The following ZNF619 variants were observed in gnomAD, a reference collection of about 807,000 sequenced individuals.
The protein encoded by ZNF619 is zinc finger protein 619.
In ZNF619, 9 loss-of-function variants were observed where a neutral mutation model predicts 14.2. That is an observed-to-expected ratio of 0.64 (90% CI 0.38 to 1.11). The LOEUF is 1.11. Among genes scored for constraint, ZNF619 ranks in the 50% least tolerant of loss-of-function variants. The probability of loss-of-function intolerance (pLI) is 0.01; values close to 1 mark genes in which losing one functional copy is unlikely to be tolerated. For missense variants in ZNF619, 659 were observed against 680.1 expected, an observed-to-expected ratio of 0.97 and a Z score of 0.34; for synonymous variants, 246 against 252.8, an observed-to-expected ratio of 0.97 and a Z score of 0.26.
At chr3:40,485,918 C>T (rs1054657970) in intron 4 of ZNF619, among the ~76,000 whole-genome samples, 1 of 152,150 alleles carries the variant, frequency 6.6e-6, no homozygotes, top group African/African-American at 2.4e-5. Flanking sequence ...AAGGACAGCA[C>T]TTGGGTTTTA....
chr3:40,490,543 A>G lies in ZNF619; in HGVS notation c.*2302A>G, dbSNP rs1176093595. 6.6e-6 allele frequency among the ~76,000 whole-genome samples: 1 copy of G among 152,070 alleles called. No individual in the cohort carries two copies. The highest frequency in any genetic ancestry group is 1.5e-5 in the Non-Finnish European group (1 of 68,002). Reference sequence around the variant, plus strand: ...TTCAACTGTGTGGGTCCACTTATGGACTTTCTTCTGCCTCTGTCACCCCTG... The same window carrying G: ...TTCAACTGTGTGGGTCCACTTATGGGCTTTCTTCTGCCTCTGTCACCCCTG... On this transcript the variant is annotated 3_prime_UTR_variant, in exon 5 of 5. Transcript: ENST00000432264.
intron 2 of ZNF619, among the ~76,000 whole-genome samples, 180 bp downstream of exon 2, chr3:40,478,183 G>T (rs1697261775): frequency 6.6e-6 from 1 of 152,138 alleles, no homozygotes; most frequent in Admixed American, 6.5e-5. Flanking sequence ...GAGTCAGGTA[G>T]GTTGGAAAAG....
At position 40,488,010 on chromosome 3, in the gene ZNF619, CCT is replaced by C; in HGVS notation, c.1506_1507del (p.Pro503SerfsTer39). On this transcript the variant is annotated frameshift_variant, in exon 5 of 5. Coordinates refer to ENST00000432264, the MANE Select transcript of ZNF619 (RefSeq NM_001145093.4). LOFTEE classifies it low-confidence loss of function (END_TRUNC). ...AVKPYCPCAI[L>X]SPLPPQHTCS... is the part of the protein sequence containing the mutation. ...TTAAGCCCTACTGTCCCTGCGCCAT[CCT>C]CTCTCCTCTGCCTCCCCAACATACC... 1 of 1,614,172 alleles carries C rather than the reference CCT, an allele frequency of 6.2e-7. No individual in the cohort carries two copies. Among genetic ancestry groups the C allele is most frequent in the Non-Finnish European group, 8.5e-7 (1 of 1,180,008 alleles).
chr3:40,477,590 A>G (rs1697235847), intron 1 of ZNF619, among the ~76,000 whole-genome samples: 1 of 152,218 alleles, frequency 6.6e-6, no homozygotes, highest in South Asian at 2.1e-4. Flanking sequence ...GGTTTTTGCC[A>G]TGAACACTAG....
rs1011022469 is a variant in ZNF619, at chr3:40,488,537, G to T, written c.*296G>T. Reference sequence around the variant, plus strand: ...TTTGCAGAACATTTTGGGGTTTAGGGCATATGGCATTATGATTATGATGAG... The same window carrying T: ...TTTGCAGAACATTTTGGGGTTTAGGTCATATGGCATTATGATTATGATGAG... On this transcript the variant is annotated 3_prime_UTR_variant, in exon 5 of 5. Coordinates refer to ENST00000432264, the MANE Select transcript of ZNF619 (RefSeq NM_001145093.4). The T allele has an allele frequency of 2.8e-5, 10 of 359,438 alleles. No individual in the cohort carries two copies. The Admixed American group carries it at 4.3e-4, about 15-fold the overall frequency. 22.3% of individuals were successfully genotyped at this position (359,438 alleles called of 1,614,324 possible).
Position 40,482,673 on chromosome 3 carries a change from T to G in ZNF619, c.264T>G (p.Ala88=). 1 of 1,614,094 alleles carries G rather than the reference T, an allele frequency of 6.2e-7. No individual in the cohort carries two copies. Among genetic ancestry groups the G allele is most frequent in the Non-Finnish European group, 8.5e-7 (1 of 1,179,986 alleles). ...GGGGCCCAGATCCCTGGACACTTGC[T>G]GGGGGAGAGGCCCTGAGAGGCATGT... is the stretch of plus-strand genomic sequence containing the variant. ...AAWGPDPWTL[A]GGEALRGMCT... Residue 88 remains alanine (A), a synonymous_variant, in exon 4 of 5, where the codon GCT becomes GCG. Transcript: ENST00000432264.
chr3:40,481,366 G>T (rs1239367747), intron 2 of ZNF619, among the ~76,000 whole-genome samples: 1 of 152,150 alleles, frequency 6.6e-6, no homozygotes. Context: ...CACCTTCAAG[G>T]GAGAACTATT....
chr3:40,477,672 G>A (rs1467902411), intron 1 of ZNF619: 2 of 362,618 alleles, frequency 5.5e-6, no homozygotes, highest in East Asian at 1.1e-4. Flanking sequence ...AAACAGCCAC[G>A]AATCCACTGC....
chr3:40,483,456 A>G (rs1697474544), intron 4 of ZNF619, among the ~76,000 whole-genome samples: 2 of 151,704 alleles, frequency 1.3e-5, no homozygotes, highest in Non-Finnish European at 2.9e-5. Flanking sequence ...ATGACTGGCT[A>G]ATTTTTGTAT....
In ZNF619 at chr3:40,487,176, T is replaced by A; in HGVS notation, c.666T>A (p.His222Gln). 1 of 1,614,170 alleles carries A rather than the reference T, an allele frequency of 6.2e-7. No individual in the cohort carries two copies. Residue 222 changes from histidine (H) to glutamine (Q), a missense_variant, in exon 5 of 5, where the codon CAT becomes CAA. Transcript: ENST00000432264. ...YYNPHSDFHL[H>Q]QRVHTNEKPY... Reference sequence around the variant, plus strand: ...ACCCACATTCAGACTTTCACCTGCATCAGAGAGTTCACACTAATGAGAAGC... The same window carrying A: ...ACCCACATTCAGACTTTCACCTGCAACAGAGAGTTCACACTAATGAGAAGC...
At chr3:40,477,626 A>C (rs1282710278) in intron 1 of ZNF619, 1 of 308,400 alleles carries the variant, frequency 3.2e-6, no homozygotes, top group Non-Finnish European at 6.2e-6. Flanking sequence ...ACTGTTTAGT[A>C]ATGCATTCAT....
At chr3:40,482,436 C>G (rs998241230) in intron 3 of ZNF619, 152 bp from the exon 4 acceptor site, 1 of 1,591,622 alleles carries the variant, frequency 6.3e-7, no homozygotes, top group African/African-American at 1.3e-5. Context: ...AGCTTCAAGC[C>G]CTTCCTTAGA....
Position 40,488,100 on chromosome 3 carries a change from C to G in ZNF619, c.1590C>G (p.Pro530=). Residue 530 remains proline, a synonymous_variant, in exon 5 of 5, where the codon CCC becomes CCG. Coordinates refer to ENST00000432264, the MANE Select transcript of ZNF619 (RefSeq NM_001145093.4). ...CTTCACATGCAGTGGTACTTCCTCC[C>G]TCTGTGCCTTTCTTCCTGCTGCTTC... ...LSSSHAVVLP[P]SVPFFLLLPS... is the part of the protein sequence containing the mutation. 6.2e-7 allele frequency: 1 copy of G among 1,614,214 alleles called. No individual in the cohort carries two copies. The highest frequency in any genetic ancestry group is 1.3e-5 in the African/African-American group (1 of 75,056).
At position 40,477,992 on chromosome 3, in the gene ZNF619, G is replaced by A; in HGVS notation, c.13G>A (p.Val5Met). MLQT[V>M]WFQGLGRNLL... Reference sequence around the variant, plus strand: ...GGGGTCATCAGCCATGCTCCAGACAGTGTGGTTCCAGGTGAGCAGAGCTTT... The same window carrying A: ...GGGGTCATCAGCCATGCTCCAGACAATGTGGTTCCAGGTGAGCAGAGCTTT... The change falls in exon 2 of 5, where the codon GTG becomes ATG. Residue 5 changes from valine (V) to methionine (M), a missense_variant. Val to Met is a conservative substitution (Grantham distance 21). Transcript: ENST00000432264. 6.4e-7 allele frequency: 1 copy of A among 1,554,344 alleles called. No individual in the cohort carries two copies.
At chr3:40,485,244 ACATTG>A (rs1697540720) in intron 4 of ZNF619, among the ~76,000 whole-genome samples, 1 of 151,904 alleles carries the variant, frequency 6.6e-6, no homozygotes, top group African/African-American at 2.4e-5. Context: ...AAATTAGACT[ACATTG>A]TATTAGGTGT....
At chr3:40,477,643 G>A in intron 1 of ZNF619, 3 of 331,680 alleles carry the variant, frequency 9.0e-6, no homozygotes, top group Non-Finnish European at 1.7e-5. Flanking sequence ...TCATAGTGGG[G>A]CCAAGAATTT....
intron 2 of ZNF619, among the ~76,000 whole-genome samples, chr3:40,481,394 C>T (rs903099551): frequency 1.1e-4 from 16 of 152,070 alleles, no homozygotes; most frequent in Non-Finnish European, 1.5e-5. Context: ...TCTGATAAGG[C>T]AAGATGATAG....
chr3:40,481,858 T>C lies in ZNF619; in HGVS notation c.25-5T>C. On this transcript the variant is annotated splice_region_variant and splice_polypyrimidine_tract_variant and intron_variant, in intron 2 of 4. Transcript: ENST00000432264. Reference sequence around the variant, plus strand: ...ATTCAGGCCTCTCCCTCTGTTCTTGTGCAGGGCTTGGGCAGGAACCTGTTG... The same window carrying C: ...ATTCAGGCCTCTCCCTCTGTTCTTGCGCAGGGCTTGGGCAGGAACCTGTTG... The C allele has an allele frequency of 6.3e-7, 1 of 1,598,988 alleles. No individual in the cohort carries two copies.
chr3:40,482,512 GGCAAA>G, intron 3 of ZNF619, 71 bp from the exon 4 acceptor site: 4 of 1,563,608 alleles, frequency 2.6e-6, no homozygotes, highest in Admixed American at 1.7e-5. Flanking sequence ...ATTTTCATCT[GGCAAA>G]GCAGAGTGTA....
Sources: gnomAD v4.1 joint callset for allele counts (sites outside exome capture counted in the v4.1 genomes callset) on GRCh38, gnomAD v4.1.1 for gene constraint, MANE v1.5 for transcripts, NCBI Gene and HGNC (gene_info 2026-07-23, HGNC 2026-07-21) for gene names.